ZNF644: variants seen among roughly 807,000 people sequenced by gnomAD.
ZNF644 encodes the protein zinc finger protein 644, also known as zinc finger motif enhancer binding protein 2.
Under a neutral mutation model 108.0 loss-of-function variants are expected in ZNF644, and 20 were observed. The ratio of observed to expected loss-of-function variants is 0.19; its 90% CI spans 0.13 to 0.27. ZNF644 has a LOEUF of 0.27. ZNF644 is among the 10% of genes least tolerant of loss of function. The pLI is 1.00. For missense variants in ZNF644, 1,338 were observed against 1,548.9 expected (o/e 0.86, Z 2.29); for synonymous variants, 542 against 539.1 (o/e 1.01, Z -0.08).
intron 1 of ZNF644, among the ~76,000 whole-genome samples, chr1:91,019,415 T>C (rs557029358): frequency 1.4e-4 from 22 of 152,354 alleles, no homozygotes; most frequent in African/African-American, 4.6e-4. Flanking sequence ...TGTTGTTTTT[T>C]AATTTTTCAA....
chr1:90,921,176 T>C (rs1333062289), intron 4 of ZNF644, among the ~76,000 whole-genome samples: 1 of 152,118 alleles, frequency 6.6e-6, no homozygotes, highest in East Asian at 1.9e-4. Context: ...GAGATTTTAT[T>C]ATATCTAGAG....
intron 1 of ZNF644, among the ~76,000 whole-genome samples, chr1:91,011,436 A>G (rs184089317): frequency 2.6e-5 from 4 of 152,322 alleles, no homozygotes; most frequent in East Asian, 3.9e-4. Flanking sequence ...TTTTTATTAT[A>G]TACGTTTAAC....
chr1:90,992,241 C>T (rs569559870), intron 1 of ZNF644, among the ~76,000 whole-genome samples: 1 of 152,214 alleles, frequency 6.6e-6, no homozygotes, highest in South Asian at 2.1e-4. Context: ...GACGTCAAAT[C>T]TGTTCAAATT....
chr1:91,020,224 A>G (rs1038261600), intron 1 of ZNF644, among the ~76,000 whole-genome samples: 1 of 152,180 alleles, frequency 6.6e-6, no homozygotes, highest in Non-Finnish European at 1.5e-5. Flanking sequence ...GAAGCTAAAA[A>G]AAGAGAAAAT....
chr1:90,969,875 G>A (rs1370472053), intron 2 of ZNF644, among the ~76,000 whole-genome samples: 2 of 152,126 alleles, frequency 1.3e-5, no homozygotes, highest in Admixed American at 1.3e-4. Flanking sequence ...GGATTAGGTA[G>A]GTCTACTGTA....
At position 90,916,529 on chromosome 1, in the gene ZNF644, T is replaced by A. The variant is rs556425975; in HGVS notation, c.*269A>T. 263 of 453,174 alleles carry A rather than the reference T, an allele frequency of 5.8e-4. No homozygotes were observed. The highest frequency in any genetic ancestry group is 7.6e-4 in the Non-Finnish European group (190 of 249,398). 28.1% of individuals were successfully genotyped at this position (453,174 alleles called of 1,614,324 possible). A position where few individuals can be genotyped will look rare whatever the true frequency, so the allele number is the denominator to read the frequency against. On this transcript the variant is annotated 3_prime_UTR_variant, in exon 6 of 6. Coordinates refer to ENST00000337393, the MANE Select transcript of ZNF644 (RefSeq NM_201269.3). ...GTATCCATGTGCAACAGTTTATTAA[T>A]GGCTGCTTACATGTACTGCTCTTTT...
At chr1:90,999,285 C>A (rs1323543134) in intron 1 of ZNF644, among the ~76,000 whole-genome samples, 1 of 152,144 alleles carries the variant, frequency 6.6e-6, no homozygotes, top group East Asian at 1.9e-4. Context: ...TTAAGGGCAG[C>A]CAGACAGAAA....
At chr1:91,014,375 C>T (rs1660247501) in intron 1 of ZNF644, among the ~76,000 whole-genome samples, 1 of 151,774 alleles carries the variant, frequency 6.6e-6, no homozygotes, top group Non-Finnish European at 1.5e-5. Context: ...TAATTAAGTG[C>T]CATTTAATTT....
At chr1:90,982,938 TC>T (rs1314399017) in intron 1 of ZNF644, among the ~76,000 whole-genome samples, 1 of 152,020 alleles carries the variant, frequency 6.6e-6, no homozygotes, top group Non-Finnish European at 1.5e-5. Context: ...ATACTCCCCA[TC>T]TTCAATTTAA....
At chr1:90,966,619 G>A (rs535520130) in intron 2 of ZNF644, among the ~76,000 whole-genome samples, 10 of 151,806 alleles carry the variant, frequency 6.6e-5, no homozygotes, top group Admixed American at 1.3e-4. Context: ...GTGTGGTGGC[G>A]TACACCTGTA....
intron 2 of ZNF644, among the ~76,000 whole-genome samples, chr1:90,942,569 A>G (rs1180965482): frequency 2.6e-5 from 4 of 152,208 alleles, no homozygotes; most frequent in Non-Finnish European, 5.9e-5. Flanking sequence ...AAAATACTGA[A>G]TAAGTATTGG....
chr1:90,918,356 C>A lies in ZNF644; in HGVS notation c.3689-202G>T, dbSNP rs554491072. On this transcript the variant is annotated intron_variant, in intron 4 of 5. Coordinates refer to ENST00000337393, the MANE Select transcript of ZNF644 (RefSeq NM_201269.3). The stretch of plus-strand genomic sequence containing the variant: ...TATCTGTACTGTACAGCGGTATTAT[C>A]TGTACTGAAGAATACTATCTGTATT... 2.7e-4 allele frequency: 156 copies of A among 586,114 alleles called. 1 individual carries two copies. Among genetic ancestry groups the A allele is most frequent in the Admixed American group, 1.2e-3 (45 of 38,102 alleles). 36.3% of individuals were successfully genotyped at this position (586,114 alleles called of 1,614,324 possible).
Position 90,918,716 on chromosome 1 carries a change from A to C in ZNF644, c.3689-562T>G, listed in dbSNP as rs1178338459. On this transcript the variant is annotated intron_variant, in intron 4 of 5. Transcript: ENST00000337393. ...AGTGATTCACCATGAATTTTATAAT[A>C]AATAGCTCTTAAAATTGTATGCTGG... Among the ~76,000 whole-genome samples, 3 of 152,290 alleles carry C rather than the reference A, an allele frequency of 2.0e-5. No individual in the cohort carries two copies. In the South Asian group the frequency reaches 6.2e-4, roughly 32 times the overall value.
At chr1:91,016,245 A>G (rs1348390875) in intron 1 of ZNF644, among the ~76,000 whole-genome samples, 3 of 152,132 alleles carry the variant, frequency 2.0e-5, no homozygotes, top group East Asian at 1.9e-4. Flanking sequence ...CTCCTCCCCA[A>G]TAAATGGTGC....
intron 2 of ZNF644, among the ~76,000 whole-genome samples, chr1:90,980,333 T>C (rs1043622346): frequency 1.3e-5 from 2 of 152,172 alleles, no homozygotes; most frequent in Non-Finnish European, 2.9e-5. Flanking sequence ...TGAGGGAAAG[T>C]GACAACATGT....
chr1:91,006,557 T>C, intron 1 of ZNF644, among the ~76,000 whole-genome samples: 1 of 152,200 alleles, frequency 6.6e-6, no homozygotes, highest in Non-Finnish European at 1.5e-5. Flanking sequence ...ATTGCCCTCA[T>C]ACCAAAATCT....
chr1:90,994,158 G>A (rs1037470263), intron 1 of ZNF644, among the ~76,000 whole-genome samples: 1 of 152,214 alleles, frequency 6.6e-6, no homozygotes, highest in Non-Finnish European at 1.5e-5. Flanking sequence ...AAACAGTTAT[G>A]AGAACGATGT....
At chr1:90,967,601 C>T (rs1570457055) in intron 2 of ZNF644, among the ~76,000 whole-genome samples, 5 of 152,156 alleles carry the variant, frequency 3.3e-5, no homozygotes, top group Admixed American at 1.3e-4. Flanking sequence ...ACAGACAACA[C>T]AGGCTGACTA....
chr1:90,959,951 T>C (rs1458883344), intron 2 of ZNF644, among the ~76,000 whole-genome samples: 1 of 152,190 alleles, frequency 6.6e-6, no homozygotes, highest in Non-Finnish European at 1.5e-5. Context: ...CGGAGCTTGA[T>C]GACATCTTGC....
Sources: gnomAD v4.1 joint callset for allele counts (sites outside exome capture counted in the v4.1 genomes callset) on GRCh38, gnomAD v4.1.1 for gene constraint, MANE v1.5 for transcripts, NCBI Gene and HGNC (gene_info 2026-07-23, HGNC 2026-07-21) for gene names.